The following ARNT2 variants were observed in gnomAD, a reference collection of about 807,000 sequenced individuals.
ARNT2 encodes the protein ARNT protein 2.
Under a neutral mutation model 91.7 loss-of-function variants are expected in ARNT2, and 36 were observed. That is an observed-to-expected ratio of 0.39 (90% confidence interval 0.30 to 0.52). ARNT2 has a LOEUF of 0.52. ARNT2 is among the 20% of genes least tolerant of loss of function. ARNT2 has a pLI of 0.72. For synonymous variants in ARNT2, 365 were observed against 347.1 expected, an observed-to-expected ratio of 1.05 and a Z score of -0.57; for missense variants, 775 against 939.3, an observed-to-expected ratio of 0.83 and a Z score of 2.29.
At chr15:80,473,429 A>C (rs961862475) in intron 4 of ARNT2, among the ~76,000 whole-genome samples, 7 of 152,176 alleles carry the variant, frequency 4.6e-5, no homozygotes, top group Non-Finnish European at 1.0e-4. Context: ...GAGTAAAGTC[A>C]TTCAGTCTCC....
chr15:80,405,741 T>A (rs1895590865), intron 1 of ARNT2, among the ~76,000 whole-genome samples: 1 of 152,108 alleles, frequency 6.6e-6, no homozygotes, highest in African/African-American at 2.4e-5. Flanking sequence ...ACTGGGGATA[T>A]AAGAGGCAGC....
chr15:80,454,252 TG>T (rs542875697), intron 2 of ARNT2, among the ~76,000 whole-genome samples: 1 of 147,616 alleles, frequency 6.8e-6, no homozygotes, highest in Non-Finnish European at 1.5e-5. Flanking sequence ...TGGTGAGGGG[TG>T]GGGGGCTTCA....
intron 3 of ARNT2, among the ~76,000 whole-genome samples, chr15:80,460,791 T>C (rs1266701668): frequency 6.6e-6 from 1 of 152,094 alleles, no homozygotes. Context: ...GAGGGGTACT[T>C]TTTAAGGATG....
intron 5 of ARNT2, among the ~76,000 whole-genome samples, chr15:80,498,185 C>G (rs564179270): frequency 6.6e-6 from 1 of 152,354 alleles, no homozygotes; most frequent in Non-Finnish European, 1.5e-5. Flanking sequence ...TCCAGTTGCA[C>G]TCCCTCCTTC....
intron 1 of ARNT2, among the ~76,000 whole-genome samples, chr15:80,449,626 T>C (rs186236794): frequency 1.3e-5 from 2 of 152,328 alleles, no homozygotes; most frequent in African/African-American, 2.4e-5. Context: ...CTTTTGTTTA[T>C]TGTGAAATTG....
At chr15:80,470,076 G>A (rs1165291573) in intron 3 of ARNT2, 142 bp from the exon 4 acceptor site, 3 of 826,944 alleles carry the variant, frequency 3.6e-6, no homozygotes, top group Non-Finnish European at 5.7e-6. Flanking sequence ...TTGCCCAATA[G>A]TCATTCAAAG....
chr15:80,420,984 C>T (rs1895852357), intron 1 of ARNT2, among the ~76,000 whole-genome samples: 2 of 152,138 alleles, frequency 1.3e-5, no homozygotes, highest in African/African-American at 4.8e-5. Flanking sequence ...TTCACAATTG[C>T]AAAGATAGGG....
chr15:80,462,838 G>C (rs917113895), intron 3 of ARNT2, among the ~76,000 whole-genome samples: 6 of 152,188 alleles, frequency 3.9e-5, no homozygotes, highest in Non-Finnish European at 8.8e-5. Flanking sequence ...ATTCACGGTA[G>C]GAAAGCTTCT....
At chr15:80,410,330 G>T (rs1235297869) in intron 1 of ARNT2, among the ~76,000 whole-genome samples, 1 of 152,218 alleles carries the variant, frequency 6.6e-6, no homozygotes, top group Non-Finnish European at 1.5e-5. Flanking sequence ...GGAGTTAGGG[G>T]AAGAGTCAAG....
At chr15:80,529,510 C>CT (rs374709156) in intron 8 of ARNT2, among the ~76,000 whole-genome samples, 3,338 of 141,962 alleles carry the variant, frequency 0.024, 114 homozygotes, top group African/African-American at 0.078. Flanking sequence ...TTTTTCTTTT[C>CT]TTTTTTTTTT....
chr15:80,437,610 T>C (rs1896108793), intron 1 of ARNT2, among the ~76,000 whole-genome samples: 1 of 152,172 alleles, frequency 6.6e-6, no homozygotes, highest in Non-Finnish European at 1.5e-5. Flanking sequence ...TTCTGCCTTT[T>C]CCCCCTTTCA....
chr15:80,530,681 T>A (rs971757040), intron 8 of ARNT2, among the ~76,000 whole-genome samples: 1 of 152,148 alleles, frequency 6.6e-6, no homozygotes, highest in Non-Finnish European at 1.5e-5. Flanking sequence ...TGGTATCAGT[T>A]CAATCTGTTG....
Position 80,580,514 on chromosome 15 carries a change from G to A in ARNT2, c.1717G>A (p.Ala573Thr). The A allele has an allele frequency of 1.2e-6, 2 of 1,614,156 alleles. No individual in the cohort carries two copies. The highest frequency in any genetic ancestry group is 2.2e-5 in the East Asian group (1 of 44,880). The part of the protein sequence containing the change: ...ISRQLNQSQV[A>T]WTGSRPPFPG... ...CCGGCAGCTAAACCAGAGTCAGGTG[G>A]CATGGACAGGGAGTCGTCCGCCCTT... The change falls in exon 16 of 19, where the codon GCA becomes ACA. Residue 573 changes from alanine (A) to threonine (T), a missense_variant. Physicochemically the swap from Ala to Thr is moderately conservative, Grantham distance 58. Around this residue, in one of 5 missense-constraint regions of ARNT2, gnomAD observed 325 missense variants for 359.9 expected, o/e 0.90. Transcript: ENST00000303329.
At chr15:80,508,068 G>C in intron 5 of ARNT2, 88 bp from the exon 6 acceptor site, 1 of 1,255,378 alleles carries the variant, frequency 8.0e-7, no homozygotes, top group Non-Finnish European at 1.2e-6. Context: ...ATTTGGCAGA[G>C]CATTTGGAGA....
chr15:80,450,541 G>A (rs889622799), intron 1 of ARNT2, among the ~76,000 whole-genome samples: 3 of 152,244 alleles, frequency 2.0e-5, no homozygotes, highest in Admixed American at 6.5e-5. Context: ...TAGCTGTGCT[G>A]CTCGGATTCC....
In ARNT2 at chr15:80,554,196, G is replaced by A. The variant is rs1898135321; in HGVS notation, c.1090-869G>A. ...GGCCAAGGCAGGTGGATCACTTGAG[G>A]TCAGGAGTTAGAGACCAGCCTGACC... On this transcript the variant is annotated intron_variant, in intron 10 of 18. Transcript: ENST00000303329. Among the ~76,000 whole-genome samples the A allele has an allele frequency of 4.6e-5, 7 of 152,290 alleles. No individual in the cohort carries two copies. In the South Asian group the frequency reaches 1.5e-3, roughly 32 times the overall value.
At chr15:80,457,882 A>C in intron 2 of ARNT2, 47 bp from the exon 3 acceptor site, 10 of 1,604,238 alleles carry the variant, frequency 6.2e-6, no homozygotes, top group Non-Finnish European at 8.5e-6. Flanking sequence ...TACCAGTTAA[A>C]ATGTTCTCCT....
intron 1 of ARNT2, among the ~76,000 whole-genome samples, chr15:80,417,362 C>T (rs1418324319): frequency 6.6e-6 from 1 of 152,094 alleles, no homozygotes; most frequent in African/African-American, 2.4e-5. Flanking sequence ...CACTTGAAAA[C>T]AAATTTGCGT....
intron 11 of ARNT2, 92 bp downstream of exon 11, chr15:80,555,231 C>A: frequency 7.1e-7 from 1 of 1,402,220 alleles, no homozygotes; most frequent in Non-Finnish European, 1.0e-6. Context: ...ATGTGCCAGG[C>A]AGGCTGCAAG....
Sources: gnomAD v4.1 joint callset for allele counts (sites outside exome capture counted in the v4.1 genomes callset) on GRCh38, gnomAD v4.1.1 for gene constraint, gnomAD v4.1.1 regional missense constraint, MANE v1.5 for transcripts, NCBI Gene and HGNC (gene_info 2026-07-23, HGNC 2026-07-21) for gene names.